Variants in HTR2C observed in about 807,000 individuals in gnomAD.
HTR2C encodes the protein 5-hydroxytryptamine (serotonin) receptor 2C, G protein-coupled.
HTR2C carries 5 observed loss-of-function variants against 21.0 expected under a neutral mutation model. That is an observed-to-expected ratio of 0.24 (90% CI 0.12 to 0.50). The LOEUF (loss-of-function observed/expected upper bound fraction) is 0.50. Ranked by LOEUF, HTR2C falls within the 20% of genes least tolerant of loss-of-function variation. The probability of loss-of-function intolerance (pLI) is 0.98; values close to 1 mark genes in which losing one functional copy is unlikely to be tolerated. For missense variants in HTR2C, 271 were observed against 371.2 expected (o/e 0.73, Z 2.22); for synonymous variants, 150 against 145.3 (o/e 1.03, Z -0.23).
chrX:114,837,102 A>G (rs906667255), intron 4 of HTR2C, among the ~76,000 whole-genome samples: 1 of 112,136 alleles, frequency 8.9e-6, no homozygotes, highest in Non-Finnish European at 1.9e-5. Flanking sequence ...ACGTTGAGTT[A>G]TATTTAAAAA....
intron 5 of HTR2C, among the ~76,000 whole-genome samples, chrX:114,875,856 C>CTTTTTTTACT (rs1556478054): frequency 1.9e-5 from 2 of 105,261 alleles, no homozygotes; most frequent in African/African-American, 6.9e-5. Flanking sequence ...TTGCTTCTTA[C>CTTTTTTTACT]TTTTTTTTTT....
intron 1 of HTR2C, among the ~76,000 whole-genome samples, chrX:114,594,041 T>C (rs1216739087): frequency 4.5e-5 from 5 of 111,926 alleles, no homozygotes; most frequent in African/African-American, 1.6e-4. Flanking sequence ...GTCTTCTTTT[T>C]GTCTTTTGTT....
At chrX:114,882,360 G>A (rs1569502258) in intron 5 of HTR2C, among the ~76,000 whole-genome samples, 1 of 109,601 alleles carries the variant, frequency 9.1e-6, no homozygotes. Flanking sequence ...ATTTCCCTCT[G>A]TAGAACCTCT....
At chrX:114,889,406 T>C (rs1275530594) in intron 5 of HTR2C, among the ~76,000 whole-genome samples, 1 of 111,951 alleles carries the variant, frequency 8.9e-6, no homozygotes, top group African/African-American at 3.2e-5. Flanking sequence ...CAGACAGAAG[T>C]GAGAGCTTAA....
At chrX:114,806,818 C>G (rs990696997) in intron 4 of HTR2C, among the ~76,000 whole-genome samples, 31 of 98,635 alleles carry the variant, frequency 3.1e-4, no homozygotes, top group Non-Finnish European at 5.9e-4. Context: ...CATATATATA[C>G]TGTATATATA....
At chrX:114,778,552 C>A (rs1329666114) in intron 4 of HTR2C, among the ~76,000 whole-genome samples, 3 of 103,724 alleles carry the variant, frequency 2.9e-5, no homozygotes, top group African/African-American at 3.5e-5. Flanking sequence ...CAGCCTTTTC[C>A]AAAAAAAAAC....
intron 1 of HTR2C, among the ~76,000 whole-genome samples, chrX:114,605,932 TA>T (rs1399279630): frequency 1.1e-5 from 1 of 93,666 alleles, no homozygotes; most frequent in Non-Finnish European, 2.1e-5. Flanking sequence ...CGCAGAGAAA[TA>T]AGAGGTTGGG....
chrX:114,842,104 T>C (rs1009407186), intron 4 of HTR2C, among the ~76,000 whole-genome samples: 2 of 112,065 alleles, frequency 1.8e-5, no homozygotes, highest in Non-Finnish European at 3.8e-5. Flanking sequence ...AAATCAAAAA[T>C]TTAAAACAAA....
chrX:114,771,766 A>G (rs781888662), intron 4 of HTR2C, among the ~76,000 whole-genome samples: 11 of 112,557 alleles, frequency 9.8e-5, no homozygotes, highest in Non-Finnish European at 1.7e-4. Flanking sequence ...GGCAACTGCA[A>G]TGTTATTAAA....
intron 2 of HTR2C, among the ~76,000 whole-genome samples, chrX:114,637,848 G>C (rs781859442): frequency 1.6e-3 from 182 of 111,500 alleles, no homozygotes; most frequent in Middle Eastern, 4.6e-3. Context: ...CAATGGGAAG[G>C]CTTCGTTTTT....
At chrX:114,613,172 C>G (rs782684346) in intron 1 of HTR2C, among the ~76,000 whole-genome samples, 4 of 110,838 alleles carry the variant, frequency 3.6e-5, no homozygotes, top group African/African-American at 6.6e-5. Flanking sequence ...CCCCTGACCT[C>G]AAGTGATCCG....
chrX:114,684,023 G>C (rs1402135093), intron 2 of HTR2C, among the ~76,000 whole-genome samples: 1 of 111,060 alleles, frequency 9.0e-6, no homozygotes, highest in Admixed American at 9.6e-5. Context: ...AATGACCCTT[G>C]CCAGCAGTGA....
chrX:114,653,093 A>G (rs782325950), intron 2 of HTR2C, among the ~76,000 whole-genome samples: 2 of 109,200 alleles, frequency 1.8e-5, no homozygotes, highest in South Asian at 7.8e-4. Context: ...TTGATATAAT[A>G]TGAAATAGTC....
At chrX:114,863,359 G>C (rs2071020948) in intron 5 of HTR2C, among the ~76,000 whole-genome samples, 1 of 111,104 alleles carries the variant, frequency 9.0e-6, no homozygotes, top group Non-Finnish European at 1.9e-5. Context: ...ATTGTTGTTT[G>C]ACTCAAGATA....
chrX:114,723,448 G>A (rs1168892677), intron 2 of HTR2C, among the ~76,000 whole-genome samples: 1 of 110,184 alleles, frequency 9.1e-6, no homozygotes, highest in Non-Finnish European at 1.9e-5. Flanking sequence ...CAATTTTGTT[G>A]ATCCTTTCAA....
At chrX:114,626,408 A>G (rs1929383477) in intron 2 of HTR2C, among the ~76,000 whole-genome samples, 1 of 78,970 alleles carries the variant, frequency 1.3e-5, no homozygotes, top group East Asian at 3.9e-4. Context: ...AAAAGAAAAA[A>G]AGAAAGAAAT....
At chrX:114,679,416 T>C (rs1931675163) in intron 2 of HTR2C, among the ~76,000 whole-genome samples, 1 of 110,426 alleles carries the variant, frequency 9.1e-6, no homozygotes, top group Admixed American at 9.8e-5. Flanking sequence ...GTAGCTGGGC[T>C]CACAGGCACG....
At chrX:114,845,712 G>T (rs2070868383) in intron 4 of HTR2C, among the ~76,000 whole-genome samples, 1 of 109,805 alleles carries the variant, frequency 9.1e-6, no homozygotes, top group Non-Finnish European at 1.9e-5. Context: ...AAATTAAAAG[G>T]ATTGGCTGGC....
intron 2 of HTR2C, among the ~76,000 whole-genome samples, chrX:114,706,669 C>G (rs926525818): frequency 1.7e-4 from 18 of 104,938 alleles, no homozygotes; most frequent in African/African-American, 6.2e-4. Flanking sequence ...ATGTAACTAA[C>G]CTACACATTG....
Sources: allele counts gnomAD v4.1 joint callset (sites outside exome capture counted in the v4.1 genomes callset), GRCh38; gene constraint gnomAD v4.1.1; transcripts MANE v1.5; gene names NCBI Gene and HGNC (gene_info 2026-07-23, HGNC 2026-07-21).